The following SGCD variants were observed in gnomAD, a reference collection of about 807,000 sequenced individuals.
SGCD encodes the protein delta-sarcoglycan.
Under a neutral mutation model 36.6 loss-of-function variants are expected in SGCD, and 18 were observed. The observed-to-expected ratio is 0.49, with a 90% CI of 0.34 to 0.73. The LOEUF (loss-of-function observed/expected upper bound fraction) is 0.73, where lower values mean the gene tolerates loss of function less well. SGCD is among the 30% of genes least tolerant of loss of function. SGCD has a pLI of 0.01. For synonymous variants in SGCD, 133 were observed against 130.6 expected (o/e 1.02, Z -0.12); for missense variants, 387 against 346.7 (o/e 1.12, Z -0.92).
chr5:156,007,108 A>G (rs925386365), intron 1 of SGCD, among the ~76,000 whole-genome samples: 4 of 152,164 alleles, frequency 2.6e-5, no homozygotes, highest in African/African-American at 9.7e-5. Flanking sequence ...TCCCTGGTCT[A>G]TTCCGCAGGA....
chr5:155,836,254 G>A, the SGCD span, among the ~76,000 whole-genome samples: 4 of 152,132 alleles, frequency 2.6e-5, no homozygotes, highest in African/African-American at 9.7e-5. Flanking sequence ...ATTCCACCCT[G>A]TTCCAGATGT....
chr5:156,747,102 GA>G (rs890221423), intron 7 of SGCD, among the ~76,000 whole-genome samples: 6 of 121,162 alleles, frequency 5.0e-5, no homozygotes, highest in Admixed American at 8.1e-5. Flanking sequence ...TAAAACACAT[GA>G]AAAGGTGCCT....
At chr5:156,101,504 T>C (rs1010748336) in intron 1 of SGCD, among the ~76,000 whole-genome samples, 1 of 152,220 alleles carries the variant, frequency 6.6e-6, no homozygotes, top group Non-Finnish European at 1.5e-5. Context: ...AAATATACCT[T>C]TGCCTTAACA....
intron 1 of SGCD, among the ~76,000 whole-genome samples, chr5:155,928,885 G>T (rs1487873669): frequency 1.3e-5 from 2 of 152,058 alleles, no homozygotes; most frequent in Non-Finnish European, 2.9e-5. Flanking sequence ...AAATATGTAT[G>T]AATTCCCTTT....
intron 4 of SGCD, among the ~76,000 whole-genome samples, chr5:156,529,473 C>A (rs2113090078): frequency 2.1e-5 from 3 of 141,940 alleles, no homozygotes; most frequent in South Asian, 2.3e-4. Flanking sequence ...GTCATGTGGT[C>A]TTAAAATCTT....
At chr5:156,456,167 G>C (rs1048746851) in intron 3 of SGCD, among the ~76,000 whole-genome samples, 4 of 152,198 alleles carry the variant, frequency 2.6e-5, no homozygotes, top group Admixed American at 1.3e-4. Flanking sequence ...TAAAAATGGG[G>C]AGGTAGCTTT....
At chr5:156,136,459 A>G (rs953785606) in intron 3 of SGCD, among the ~76,000 whole-genome samples, 3 of 152,178 alleles carry the variant, frequency 2.0e-5, no homozygotes, top group African/African-American at 4.8e-5. Flanking sequence ...TCAGAAATGG[A>G]TGACCACATG....
At chr5:155,729,208 G>C in the SGCD span, among the ~76,000 whole-genome samples, 5 of 152,210 alleles carry the variant, frequency 3.3e-5, no homozygotes, top group African/African-American at 4.8e-5. Context: ...AGGAGAAAAG[G>C]GGCTCCCTAG....
chr5:156,432,989 C>T (rs1453916783), intron 3 of SGCD, among the ~76,000 whole-genome samples: 1 of 152,194 alleles, frequency 6.6e-6, no homozygotes, highest in Non-Finnish European at 1.5e-5. Context: ...GCACTTCCTG[C>T]TCACTCACAG....
the SGCD span, among the ~76,000 whole-genome samples, chr5:155,769,320 T>C: frequency 6.6e-6 from 1 of 151,902 alleles, no homozygotes; most frequent in African/African-American, 2.4e-5. Context: ...CACATTCTTA[T>C]TTAAGCGTAC....
chr5:155,789,456 C>T, the SGCD span, among the ~76,000 whole-genome samples: 1 of 152,024 alleles, frequency 6.6e-6, no homozygotes. Context: ...GAAAGAGAAA[C>T]ACAGCTTTAT....
At chr5:156,587,867 T>C (rs918389388) in intron 4 of SGCD, among the ~76,000 whole-genome samples, 32 of 151,852 alleles carry the variant, frequency 2.1e-4, no homozygotes, top group African/African-American at 7.0e-4. Context: ...CTCTTGCTAT[T>C]CTCTGGCTAG....
At chr5:156,704,696 T>C (rs940646081) in intron 7 of SGCD, among the ~76,000 whole-genome samples, 1 of 152,160 alleles carries the variant, frequency 6.6e-6, no homozygotes, top group Non-Finnish European at 1.5e-5. Context: ...TATCAAGCAA[T>C]GACAAGATAC....
At chr5:156,725,233 C>T (rs1429125925) in intron 7 of SGCD, among the ~76,000 whole-genome samples, 4 of 152,184 alleles carry the variant, frequency 2.6e-5, no homozygotes, top group Non-Finnish European at 5.9e-5. Flanking sequence ...CTAAGAATGA[C>T]TTACACTGTC....
At chr5:156,495,064 G>A (rs1756123131) in intron 3 of SGCD, among the ~76,000 whole-genome samples, 1 of 152,120 alleles carries the variant, frequency 6.6e-6, no homozygotes, top group Non-Finnish European at 1.5e-5. Context: ...GAGCAATCAG[G>A]AGTCTCCACA....
chr5:156,415,209 A>G (rs929228015), intron 3 of SGCD, among the ~76,000 whole-genome samples: 1 of 152,204 alleles, frequency 6.6e-6, no homozygotes, highest in African/African-American at 2.4e-5. Context: ...TGAAAAACTT[A>G]AGATATAATG....
chr5:156,750,648 GAA>G (rs751263707), intron 7 of SGCD, among the ~76,000 whole-genome samples: 5 of 101,112 alleles, frequency 4.9e-5, no homozygotes, highest in Admixed American at 1.0e-4. Context: ...CTCTGTCTCA[GAA>G]AAAAAAAAAA....
chr5:155,794,651 G>A, the SGCD span, among the ~76,000 whole-genome samples: 1 of 152,048 alleles, frequency 6.6e-6, no homozygotes, highest in Non-Finnish European at 1.5e-5. Flanking sequence ...GAGGATATAA[G>A]AGAATCTCAA....
Position 156,632,285 on chromosome 5 carries a change from A to G in SGCD, c.503-15179A>G, listed in dbSNP as rs374106491. On this transcript the variant is annotated intron_variant, in intron 6 of 8. Coordinates refer to ENST00000337851, the MANE Select transcript of SGCD (RefSeq NM_000337.6). ...CAGCCTAGATCACATTCCCTTCTGT[A>G]TCCTGGGGGTGGGGGAGGGCCAAGT... is the stretch of plus-strand genomic sequence containing the variant. Among the ~76,000 whole-genome samples the G allele has an allele frequency of 1.7e-3, 257 of 152,108 alleles. 1 individual carries two copies. The highest frequency in any genetic ancestry group is 5.9e-3 in the African/African-American group (245 of 41,508).
Sources: allele counts gnomAD v4.1 joint callset (sites outside exome capture counted in the v4.1 genomes callset), GRCh38; gene constraint gnomAD v4.1.1; transcripts MANE v1.5; gene names NCBI Gene and HGNC (gene_info 2026-07-23, HGNC 2026-07-21).